RPA1: variants seen among roughly 807,000 people sequenced by gnomAD.
RPA1 encodes the protein replication protein A1.
A neutral mutation model predicts 83.0 loss-of-function variants in RPA1; 49 were observed. That is an observed-to-expected ratio of 0.59 (90% CI 0.47 to 0.75). The LOEUF is 0.75. Ranked by LOEUF, RPA1 falls within the 30% of genes least tolerant of loss-of-function variation. The probability of loss-of-function intolerance (pLI) is 0.00; values close to 1 mark genes in which losing one functional copy is unlikely to be tolerated. For synonymous variants in RPA1, 279 were observed against 281.8 expected (o/e 0.99, Z 0.10); for missense variants, 693 against 776.1 (o/e 0.89, Z 1.27).
chr17:1,847,859 AAAATACAC>A (rs1375263116), intron 4 of RPA1, among the ~76,000 whole-genome samples: 1 of 152,016 alleles, frequency 6.6e-6, no homozygotes, highest in Non-Finnish European at 1.5e-5. Context: ...ATCTCTACTA[AAAATACAC>A]AAATTAGCTG....
intron 16 of RPA1, 101 bp from the exon 17 acceptor site, chr17:1,896,970 G>C (rs1480544507): frequency 5.4e-6 from 5 of 933,460 alleles, no homozygotes; most frequent in Non-Finnish European, 8.5e-6. Context: ...CCGTGCGTCT[G>C]TTCCCTCCCG....
chr17:1,891,817 G>T lies in RPA1; in HGVS notation c.1552-16G>T. The T allele has an allele frequency of 6.8e-7, 1 of 1,471,166 alleles. No individual in the cohort carries two copies. Among genetic ancestry groups the T allele is most frequent in the Non-Finnish European group, 9.4e-7 (1 of 1,059,562 alleles). The allele number at this position is 1,471,166 out of a possible 1,614,324, so 91.1% of individuals were successfully genotyped here. ...ATTATTTCTTTGCTGAAATAATGTA[G>T]AATTGTGTTTTTTAGGTAAATATTG... is the stretch of plus-strand genomic sequence containing the variant. On this transcript the variant is annotated splice_polypyrimidine_tract_variant and intron_variant, in intron 14 of 16. Transcript: ENST00000254719.
At position 1,884,335 on chromosome 17, in the gene RPA1, G is replaced by A. The variant is rs531148292; in HGVS notation, c.1374+391G>A. 2.7e-5 allele frequency among the ~76,000 whole-genome samples: 3 copies of A among 110,696 alleles called. No homozygotes were observed. Among genetic ancestry groups the A allele is most frequent in the East Asian group, 5.6e-4 (2 of 3,550 alleles). 72.6% of individuals were successfully genotyped at this position (110,696 alleles called of 152,430 possible). Reference sequence around the variant, plus strand: ...TGTTTTTTGAGATGAGCGTTAGTCCGCCTCAGGTCAGACATGAGGCAGTTT... The same window carrying A: ...TGTTTTTTGAGATGAGCGTTAGTCCACCTCAGGTCAGACATGAGGCAGTTT... On this transcript the variant is annotated intron_variant, in intron 13 of 16. Transcript: ENST00000254719. The surrounding 1 kb of genome is among the most constrained non-coding windows in gnomAD (Gnocchi z 4.1).
At chr17:1,895,953 G>A (rs954254214) in intron 16 of RPA1, among the ~76,000 whole-genome samples, 12 of 152,182 alleles carry the variant, frequency 7.9e-5, no homozygotes, top group Admixed American at 4.6e-4. Context: ...CAAAGTGCCA[G>A]GATTACAGGC....
In RPA1 at chr17:1,894,486, C is replaced by A. The variant is rs924339456; in HGVS notation, c.1660-523C>A. Among the ~76,000 whole-genome samples the A allele has an allele frequency of 5.9e-5, 9 of 152,260 alleles. 1 individual carries two copies. The highest frequency in any genetic ancestry group is 3.9e-4 in the East Asian group (2 of 5,190). ...CCAGCCTTAAAGTCTTAGAAACTTC[C>A]TAAGAGCGTTTTTAATTTTTTGTGT... On this transcript the variant is annotated intron_variant, in intron 15 of 16. Transcript: ENST00000254719.
chr17:1,835,967 A>G (rs1324900477), intron 1 of RPA1, among the ~76,000 whole-genome samples: 3 of 152,072 alleles, frequency 2.0e-5, no homozygotes, highest in East Asian at 1.9e-4. Context: ...TCTCTATTTC[A>G]TTTAGAAAGA....
intron 5 of RPA1, among the ~76,000 whole-genome samples, chr17:1,860,706 G>C (rs926120597): frequency 1.3e-5 from 2 of 152,122 alleles, no homozygotes; most frequent in Admixed American, 1.3e-4. Flanking sequence ...ATTTGTTTCC[G>C]TCAGTTGATC....
intron 5 of RPA1, among the ~76,000 whole-genome samples, chr17:1,865,175 C>T (rs1913131940): frequency 6.6e-6 from 1 of 152,096 alleles, no homozygotes; most frequent in Admixed American, 6.6e-5. Flanking sequence ...TAAATAAAAA[C>T]GTGAATGAGG....
chr17:1,839,122 C>T (rs1911941853), intron 1 of RPA1, among the ~76,000 whole-genome samples: 1 of 152,176 alleles, frequency 6.6e-6, no homozygotes, highest in Non-Finnish European at 1.5e-5. Context: ...TCCCAAAGTG[C>T]TGGGATTACA....
At chr17:1,885,190 C>T (rs910974773) in intron 13 of RPA1, among the ~76,000 whole-genome samples, 15 of 152,208 alleles carry the variant, frequency 9.9e-5, no homozygotes, top group African/African-American at 3.1e-4. Context: ...ATGCTCACAG[C>T]GTTCTCACCA....
chr17:1,845,700 T>TA (rs765088205), intron 4 of RPA1, among the ~76,000 whole-genome samples: 1 of 151,594 alleles, frequency 6.6e-6, no homozygotes, highest in Non-Finnish European at 1.5e-5. Flanking sequence ...GGAGACCAGG[T>TA]AGGGAGGATC....
chr17:1,848,077 G>A (rs1036757476), intron 4 of RPA1, among the ~76,000 whole-genome samples: 19 of 152,176 alleles, frequency 1.2e-4, no homozygotes, highest in Admixed American at 1.0e-3. Context: ...GGTTCTCAGG[G>A]GTGGTAGAGT....
rs1914478996 is a variant in RPA1, at chr17:1,897,289, T to C, written c.*114T>C. 1 of 786,390 alleles carries C rather than the reference T, an allele frequency of 1.3e-6. No individual in the cohort carries two copies. The highest frequency in any genetic ancestry group is 2.7e-5 in the East Asian group (1 of 37,014). 48.7% of individuals were successfully genotyped at this position (786,390 alleles called of 1,614,324 possible). ...TACACAGTGCAGAGGCTCTTGATGGTGGACTAAGCAATTTCCCCCCTCGTG... is the reference window on the plus strand; with the variant it reads ...TACACAGTGCAGAGGCTCTTGATGGCGGACTAAGCAATTTCCCCCCTCGTG... On this transcript the variant is annotated 3_prime_UTR_variant, in exon 17 of 17. Coordinates refer to ENST00000254719, the MANE Select transcript of RPA1 (RefSeq NM_002945.5).
chr17:1,886,109 A>G (rs930473696), intron 13 of RPA1, among the ~76,000 whole-genome samples: 40 of 151,676 alleles, frequency 2.6e-4, no homozygotes, highest in African/African-American at 9.0e-4. Flanking sequence ...GAACAGGTGC[A>G]TTGTCAATAT....
chr17:1,832,753 G>A (rs1318253597), intron 1 of RPA1, among the ~76,000 whole-genome samples: 2 of 152,174 alleles, frequency 1.3e-5, no homozygotes, highest in South Asian at 2.1e-4. Flanking sequence ...TAAAATGAGA[G>A]CAATGATATC....
intron 8 of RPA1, 75 bp from the exon 9 acceptor site, chr17:1,878,918 A>AT: frequency 7.0e-7 from 1 of 1,425,778 alleles, no homozygotes; most frequent in Non-Finnish European, 9.9e-7. Flanking sequence ...CCTGTGTTCT[A>AT]TCCCAGTGTC....
chr17:1,879,177 T>C (rs1913678520), intron 9 of RPA1, 38 bp from the exon 10 acceptor site: 1 of 1,609,996 alleles, frequency 6.2e-7, no homozygotes, highest in African/African-American at 1.3e-5. Context: ...TCCGATTTGA[T>C]GGTAGTCTCA....
chr17:1,847,945 C>A (rs1178501193), intron 4 of RPA1, among the ~76,000 whole-genome samples: 2 of 151,782 alleles, frequency 1.3e-5, no homozygotes, highest in Non-Finnish European at 2.9e-5. Context: ...ATCGCTTGAA[C>A]CCAAGAGGCG....
chr17:1,855,890 A>G (rs996032038), intron 5 of RPA1, among the ~76,000 whole-genome samples: 3 of 152,122 alleles, frequency 2.0e-5, no homozygotes, highest in African/African-American at 7.2e-5. Context: ...AGGGTTATTC[A>G]AGCACCCTTC....
Sources: allele counts gnomAD v4.1 joint callset (sites outside exome capture counted in the v4.1 genomes callset), GRCh38; gene constraint gnomAD v4.1.1; non-coding constraint Gnocchi (gnomAD v3.1); transcripts MANE v1.5; gene names NCBI Gene and HGNC (gene_info 2026-07-23, HGNC 2026-07-21).